IPO9: variants seen among roughly 807,000 people sequenced by gnomAD.
IPO9 encodes importin-9.
Under a neutral mutation model 128.6 loss-of-function variants are expected in IPO9, and 28 were observed. The observed-to-expected ratio is 0.22, with a 90% CI of 0.16 to 0.30. The LOEUF (loss-of-function observed/expected upper bound fraction) is 0.30, where lower values mean the gene tolerates loss of function less well. IPO9 is among the 10% of genes least tolerant of loss of function. The pLI is 1.00. For missense variants in IPO9, 935 were observed against 1,293.9 expected (o/e 0.72, Z 4.26); for synonymous variants, 455 against 475.8 (o/e 0.96, Z 0.57).
rs1680936281 is a variant in IPO9, at chr1:201,883,950, G to C, written c.*7896G>C. 1 of 152,262 alleles carries C rather than the reference G, an allele frequency of 6.6e-6. No homozygotes were observed. Among genetic ancestry groups the C allele is most frequent in the South Asian group, 2.1e-4 (1 of 4,832 alleles). 9.4% of individuals were successfully genotyped at this position (152,262 alleles called of 1,614,324 possible). On this transcript the variant is annotated 3_prime_UTR_variant, in exon 24 of 24. Transcript: ENST00000361565. ...ACAGGGAGAGAGACACAATGGATCA[G>C]AGTGTCTCTGCCAGTTCTAACTTGG...
chr1:201,864,197 A>C (rs544298833), intron 14 of IPO9, among the ~76,000 whole-genome samples: 62 of 152,328 alleles, frequency 4.1e-4, no homozygotes, highest in Non-Finnish European at 7.4e-4. Context: ...TTTATTTTCC[A>C]TGTGCCTGCC....
chr1:201,881,911 A>G lies in IPO9; in HGVS notation c.*5857A>G, dbSNP rs926262499. ...TGACAAGATAAAGTCAGTAGGACTTAAAGACTGACAAGTAAGGATTTTCCA... is the reference window on the plus strand; with the variant it reads ...TGACAAGATAAAGTCAGTAGGACTTGAAGACTGACAAGTAAGGATTTTCCA... On this transcript the variant is annotated 3_prime_UTR_variant, in exon 24 of 24. Transcript: ENST00000361565. 2 of 152,218 alleles carry G rather than the reference A, an allele frequency of 1.3e-5. No homozygotes were observed. The allele number at this position is 152,218 out of a possible 1,614,324, so 9.4% of individuals were successfully genotyped here.
chr1:201,851,532 T>C (rs1680218741), intron 4 of IPO9, among the ~76,000 whole-genome samples: 2 of 152,010 alleles, frequency 1.3e-5, no homozygotes, highest in Non-Finnish European at 2.9e-5. Context: ...TCTCATTCTG[T>C]GTATAGGTTG....
rs1680342325 is a variant in IPO9 at position 201,857,043 on chromosome 1, A to G, written c.1123-53A>G. The G allele has an allele frequency of 2.7e-6, 3 of 1,106,768 alleles. No individual in the cohort carries two copies. The East Asian group carries it at 7.1e-5, about 26-fold the overall frequency. 68.6% of individuals were successfully genotyped at this position (1,106,768 alleles called of 1,614,324 possible). A position where few individuals can be genotyped will look rare whatever the true frequency, so the allele number is the denominator to read the frequency against. On this transcript the variant is annotated intron_variant, in intron 10 of 23. Transcript: ENST00000361565. ...GAAATCTTCCTGTATCTGTTGATGA[A>G]AAGCTATGAATCAGATTGGCAGCAT...
chr1:201,847,006 A>C (rs904788606), intron 1 of IPO9, among the ~76,000 whole-genome samples: 8 of 152,200 alleles, frequency 5.3e-5, no homozygotes, highest in African/African-American at 1.9e-4. Context: ...TCTAAGAGGA[A>C]GGTGTTGTCA....
At chr1:201,856,677 T>C (rs1680334037) in intron 10 of IPO9, among the ~76,000 whole-genome samples, 1 of 152,074 alleles carries the variant, frequency 6.6e-6, no homozygotes, top group Admixed American at 6.6e-5. Context: ...TTTTTGTTGT[T>C]GTTGTTGTTT....
chr1:201,863,030 T>C (rs1183940339), intron 13 of IPO9, among the ~76,000 whole-genome samples: 3 of 152,000 alleles, frequency 2.0e-5, no homozygotes, highest in Non-Finnish European at 4.4e-5. Flanking sequence ...GTACATATTA[T>C]GTAGCATCTA....
In IPO9 at chr1:201,854,728, A is replaced by G; in HGVS notation, c.810+14A>G. 1 of 1,612,372 alleles carries G rather than the reference A, an allele frequency of 6.2e-7. No individual in the cohort carries two copies. Among genetic ancestry groups the G allele is most frequent in the Non-Finnish European group, 8.5e-7 (1 of 1,179,464 alleles). ...GAGGTCCTAAAGGTAAACACTTACT[A>G]CCAATGAAATATTTGGAGTTTGAGG... is the stretch of plus-strand genomic sequence containing the variant. On this transcript the variant is annotated intron_variant, in intron 7 of 23. Transcript: ENST00000361565.
chr1:201,874,112 G>T, intron 20 of IPO9, 138 bp from the exon 21 acceptor site: 1 of 828,056 alleles, frequency 1.2e-6, no homozygotes, highest in Non-Finnish European at 1.9e-6. Flanking sequence ...GTCACTCTTT[G>T]GAGACTGGAT....
chr1:201,837,662 T>C (rs1364948753), intron 1 of IPO9, among the ~76,000 whole-genome samples: 1 of 152,266 alleles, frequency 6.6e-6, no homozygotes, highest in Non-Finnish European at 1.5e-5. Context: ...TTCTTCATTT[T>C]GATCTTGTTT....
At chr1:201,859,514 C>T (rs1271841787) in intron 13 of IPO9, among the ~76,000 whole-genome samples, 1 of 152,016 alleles carries the variant, frequency 6.6e-6, no homozygotes, top group Non-Finnish European at 1.5e-5. Context: ...AGTACTGCTC[C>T]CATTGTTAAG....
At chr1:201,833,364 A>G (rs1214114612) in intron 1 of IPO9, among the ~76,000 whole-genome samples, 1 of 151,662 alleles carries the variant, frequency 6.6e-6, no homozygotes, top group African/African-American at 2.4e-5. Context: ...TAGGCCTCCC[A>G]AGTAGCTGGG....
intron 1 of IPO9, among the ~76,000 whole-genome samples, chr1:201,842,600 T>C (rs1388744857): frequency 6.6e-6 from 1 of 152,214 alleles, no homozygotes. Context: ...TTTTAGGAGC[T>C]GTTTGCCAGG....
chr1:201,875,141 A>G lies in IPO9; in HGVS notation c.2939-11A>G, dbSNP rs368713729. ...TGTCCTGACCCGCCCTGTGTTGGCT[A>G]TGTCTAACAGAGGAGGATTACTACG... On this transcript the variant is annotated splice_polypyrimidine_tract_variant and intron_variant, in intron 22 of 23. Coordinates refer to ENST00000361565, the MANE Select transcript of IPO9 (RefSeq NM_018085.5). 2.0e-5 allele frequency: 33 copies of G among 1,613,240 alleles called. No homozygotes were observed. The highest frequency in any genetic ancestry group is 2.6e-5 in the Non-Finnish European group (31 of 1,179,264).
rs1188307199 is a variant in IPO9, at chr1:201,874,917, T to G, written c.2919T>G (p.Ile973Met). 1 of 1,611,302 alleles carries G rather than the reference T, an allele frequency of 6.2e-7. No individual in the cohort carries two copies. The highest frequency in any genetic ancestry group is 1.7e-5 in the Admixed American group (1 of 60,020). Residue 973 changes from isoleucine to methionine, a missense_variant, in exon 22 of 24, where the codon ATT becomes ATG. Around this residue, in one of 3 missense-constraint regions of IPO9, gnomAD observed 188 missense variants for 246.7 expected, o/e 0.76. Coordinates refer to ENST00000361565, the MANE Select transcript of IPO9 (RefSeq NM_018085.5). ...DGLAGQLLSD[I>M]LATSKYEEDY... ...TAGCTGGCCAACTTTTATCTGACAT[T>G]CTTGCTACAAGTAAATATGGTAAGC...
At chr1:201,838,060 A>G (rs12142013) in intron 1 of IPO9, among the ~76,000 whole-genome samples, 8,971 of 152,248 alleles carry the variant, frequency 0.059, 364 homozygotes, top group Middle Eastern at 0.099. Flanking sequence ...ACAAGAGTGC[A>G]ACTCTGTCTC....
intron 19 of IPO9, among the ~76,000 whole-genome samples, chr1:201,872,610 AACAAC>A (rs1680675471): frequency 2.0e-5 from 3 of 149,858 alleles, no homozygotes; most frequent in African/African-American, 7.5e-5. Context: ...TCTCAAAAAC[AACAAC>A]AACAACAACA....
At chr1:201,846,891 A>G (rs1292589098) in intron 1 of IPO9, among the ~76,000 whole-genome samples, 1 of 151,940 alleles carries the variant, frequency 6.6e-6, no homozygotes, top group Non-Finnish European at 1.5e-5. Context: ...GTGATCTCAA[A>G]CTCCTGACCT....
At chr1:201,874,466 GAA>G in intron 21 of IPO9, 94 bp downstream of exon 21, 1 of 1,390,828 alleles carries the variant, frequency 7.2e-7, no homozygotes, top group Non-Finnish European at 9.7e-7. Flanking sequence ...GTCACTAATT[GAA>G]AAAAAAAGTT....
Sources: gnomAD v4.1 joint callset for allele counts (sites outside exome capture counted in the v4.1 genomes callset) on GRCh38, gnomAD v4.1.1 for gene constraint, gnomAD v4.1.1 regional missense constraint, MANE v1.5 for transcripts, NCBI Gene and HGNC (gene_info 2026-07-23, HGNC 2026-07-21) for gene names.